Variants in DOK6 observed in about 807,000 individuals in gnomAD.
DOK6 encodes the protein downstream of tyrosine kinase 6.
DOK6 carries 22 observed loss-of-function variants against 44.0 expected under a neutral mutation model. The observed-to-expected ratio is 0.50, with a 90% CI of 0.36 to 0.71. DOK6 has a LOEUF of 0.71. Ranked by LOEUF, DOK6 falls within the 30% of genes least tolerant of loss-of-function variation. The probability of loss-of-function intolerance (pLI) is 0.00; values close to 1 mark genes in which losing one functional copy is unlikely to be tolerated. For missense variants in DOK6, 340 were observed against 416.4 expected, an observed-to-expected ratio of 0.82 and a Z score of 1.60; for synonymous variants, 166 against 145.5, an observed-to-expected ratio of 1.14 and a Z score of -1.01.
intron 2 of DOK6, among the ~76,000 whole-genome samples, chr18:69,583,314 G>C (rs2144611297): frequency 6.6e-6 from 1 of 152,260 alleles, no homozygotes; most frequent in East Asian, 1.9e-4. Context: ...ATATTCTTCA[G>C]GTGCATGGTT....
intron 3 of DOK6, among the ~76,000 whole-genome samples, chr18:69,627,700 C>T (rs1366118980): frequency 1.3e-5 from 2 of 152,118 alleles, no homozygotes; most frequent in Non-Finnish European, 2.9e-5. Context: ...CCGCCCGCCT[C>T]GGCCTCCCAA....
intron 1 of DOK6, among the ~76,000 whole-genome samples, chr18:69,550,866 C>T (rs545837158): frequency 4.6e-5 from 7 of 150,566 alleles, no homozygotes; most frequent in African/African-American, 1.5e-4. Context: ...TCACTGAAAC[C>T]GCTGCCTCTG....
At chr18:69,402,836 G>T (rs960753304) in intron 1 of DOK6, among the ~76,000 whole-genome samples, 2 of 152,158 alleles carry the variant, frequency 1.3e-5, no homozygotes, top group Non-Finnish European at 2.9e-5. Context: ...CTTTTCTTGG[G>T]TAGAAGAAAG....
At chr18:69,707,547 G>T (rs1986662087) in intron 5 of DOK6, among the ~76,000 whole-genome samples, 1 of 151,292 alleles carries the variant, frequency 6.6e-6, no homozygotes, top group Non-Finnish European at 1.5e-5. Flanking sequence ...CCACTATTAG[G>T]ATCAAGTATT....
At chr18:69,701,966 A>T (rs957953973) in intron 5 of DOK6, among the ~76,000 whole-genome samples, 3 of 152,136 alleles carry the variant, frequency 2.0e-5, no homozygotes. Context: ...GGAAAGATAA[A>T]ACAGAAAGTT....
At chr18:69,774,807 T>A (rs1373771273) in intron 7 of DOK6, among the ~76,000 whole-genome samples, 1 of 151,924 alleles carries the variant, frequency 6.6e-6, no homozygotes, top group Non-Finnish European at 1.5e-5. Context: ...AAATATACAA[T>A]AACTGGTAAT....
At chr18:69,561,494 C>G (rs975499577) in intron 1 of DOK6, among the ~76,000 whole-genome samples, 5 of 152,032 alleles carry the variant, frequency 3.3e-5, no homozygotes, top group African/African-American at 1.2e-4. Context: ...ATACATTTCA[C>G]TTTGGGAGTG....
At chr18:69,561,155 T>A (rs143704857) in intron 1 of DOK6, among the ~76,000 whole-genome samples, 1 of 152,284 alleles carries the variant, frequency 6.6e-6, no homozygotes, top group African/African-American at 2.4e-5. Flanking sequence ...TAAGCCCATC[T>A]TGGTAAATCC....
Position 69,679,225 on chromosome 18 carries a change from T to C in DOK6, c.409+1372T>C, listed in dbSNP as rs2144687104. Among the ~76,000 whole-genome samples the C allele has an allele frequency of 1.3e-5, 2 of 152,252 alleles. 1 individual carries two copies. ...CTTGAATTATCTGTGGGTCATAAACTAAATAGCATAGGTAAAAGAGCACAT... is the reference window on the plus strand; with the variant it reads ...CTTGAATTATCTGTGGGTCATAAACCAAATAGCATAGGTAAAAGAGCACAT... On this transcript the variant is annotated intron_variant, in intron 4 of 7. Coordinates refer to ENST00000382713, the MANE Select transcript of DOK6 (RefSeq NM_152721.6).
chr18:69,813,819 A>C (rs1419935680), intron 7 of DOK6, among the ~76,000 whole-genome samples: 1 of 152,100 alleles, frequency 6.6e-6, no homozygotes, highest in Admixed American at 6.6e-5. Context: ...AATCCTAGCA[A>C]AGGCATTAGC....
chr18:69,595,493 T>C (rs986748297), intron 2 of DOK6, among the ~76,000 whole-genome samples: 2 of 152,176 alleles, frequency 1.3e-5, no homozygotes, highest in South Asian at 4.1e-4. Flanking sequence ...TCTTCTTAAA[T>C]AGACTTATTT....
At chr18:69,435,822 CT>C (rs1978959760) in intron 1 of DOK6, among the ~76,000 whole-genome samples, 2 of 152,062 alleles carry the variant, frequency 1.3e-5, no homozygotes, top group African/African-American at 4.8e-5. Context: ...TTCCCCCTCC[CT>C]CTTTCGTTTT....
intron 7 of DOK6, among the ~76,000 whole-genome samples, chr18:69,795,616 T>A (rs1036345437): frequency 6.6e-6 from 1 of 152,170 alleles, no homozygotes; most frequent in African/African-American, 2.4e-5. Context: ...TGTATTCATT[T>A]AACAAATGTT....
chr18:69,649,293 T>C (rs892504116), intron 3 of DOK6, among the ~76,000 whole-genome samples: 15 of 152,230 alleles, frequency 9.9e-5, no homozygotes, highest in African/African-American at 3.6e-4. Flanking sequence ...TATTCTACAA[T>C]GAAAGCTTCC....
At chr18:69,565,307 T>C (rs1198848053) in intron 2 of DOK6, among the ~76,000 whole-genome samples, 1 of 152,182 alleles carries the variant, frequency 6.6e-6, no homozygotes, top group African/African-American at 2.4e-5. Context: ...CTGGATAATG[T>C]AATGAATTTG....
At chr18:69,682,759 G>A (rs150108685) in intron 4 of DOK6, among the ~76,000 whole-genome samples, 81 of 152,146 alleles carry the variant, frequency 5.3e-4, no homozygotes, top group African/African-American at 1.9e-3. Flanking sequence ...TACCATCTCA[G>A]GTATAATAAA....
At chr18:69,593,544 G>C (rs1033900828) in intron 2 of DOK6, among the ~76,000 whole-genome samples, 1 of 152,058 alleles carries the variant, frequency 6.6e-6, no homozygotes, top group Non-Finnish European at 1.5e-5. Context: ...TAACAATGTG[G>C]GCTTGAAGAA....
intron 6 of DOK6, among the ~76,000 whole-genome samples, chr18:69,746,847 T>G (rs1333799836): frequency 6.6e-6 from 1 of 152,162 alleles, no homozygotes; most frequent in East Asian, 1.9e-4. Context: ...GTCTTGAACA[T>G]GAGAAACAGG....
intron 5 of DOK6, among the ~76,000 whole-genome samples, chr18:69,738,745 A>C (rs937559481): frequency 3.0e-4 from 45 of 152,200 alleles, no homozygotes; most frequent in African/African-American, 1.0e-3. Context: ...CTTCCTTTTT[A>C]AACATCCAAA....
Sources: allele counts gnomAD v4.1 joint callset (sites outside exome capture counted in the v4.1 genomes callset), GRCh38; gene constraint gnomAD v4.1.1; transcripts MANE v1.5; gene names NCBI Gene and HGNC (gene_info 2026-07-23, HGNC 2026-07-21).